The following DNASE1L2 variants were observed in gnomAD, a reference collection of about 807,000 sequenced individuals.
DNASE1L2 encodes the protein deoxyribonuclease 1 like 2.
Under a neutral mutation model 31.8 loss-of-function variants are expected in DNASE1L2, and 35 were observed. The observed-to-expected ratio is 1.10, with a 90% CI of 0.84 to 1.46. The LOEUF is 1.46. DNASE1L2 is among the 40% of genes most tolerant of loss of function. DNASE1L2 has a pLI of 0.00. For missense variants in DNASE1L2, 504 were observed against 418.8 expected (o/e 1.20, Z -1.77); for synonymous variants, 211 against 186.5 (o/e 1.13, Z -1.07).
In DNASE1L2 at chr16:2,236,540, G is replaced by C. The variant is rs1023067212; in HGVS notation, c.-60G>C. On this transcript the variant is annotated 5_prime_UTR_variant, in exon 1 of 7. Coordinates refer to ENST00000320700, the MANE Select transcript of DNASE1L2 (RefSeq NM_001374.3). ...TCCCCCTAGGATCTCTGAGCCTCGG[G>C]CCTCTGCACCCACATCCAAGGTGAG... 1.9e-5 allele frequency: 24 copies of C among 1,233,922 alleles called. No homozygotes were observed. Among genetic ancestry groups the C allele is most frequent in the Non-Finnish European group, 2.2e-5 (22 of 988,510 alleles). The allele number at this position is 1,233,922 out of a possible 1,614,324, so 76.4% of individuals were successfully genotyped here. A position where few individuals can be genotyped will look rare whatever the true frequency, so the allele number is the denominator to read the frequency against.
Position 2,237,141 on chromosome 16 carries a change from G to A in DNASE1L2, c.233+15G>A, listed in dbSNP as rs202207279. The A allele has an allele frequency of 2.6e-6, 4 of 1,547,634 alleles. No homozygotes were observed. The African/African-American group carries it at 4.1e-5, about 16-fold the overall frequency. ...CAGATCAACAGGTGTGGTGGGCAGG[G>A]CCCCTCGTCGCGACCCCCCGCCGGG... On this transcript the variant is annotated intron_variant, in intron 3 of 6. Transcript: ENST00000320700.
At position 2,238,551 on chromosome 16, in the gene DNASE1L2, C is replaced by T; in HGVS notation, c.*133C>T. The T allele has an allele frequency of 9.4e-7, 1 of 1,064,674 alleles. No homozygotes were observed. The highest frequency in any genetic ancestry group is 1.3e-5 in the South Asian group (1 of 76,218). 66.0% of individuals were successfully genotyped at this position (1,064,674 alleles called of 1,614,324 possible). On this transcript the variant is annotated 3_prime_UTR_variant, in exon 7 of 7. Coordinates refer to ENST00000320700, the MANE Select transcript of DNASE1L2 (RefSeq NM_001374.3). ...AGTCGGCTGGGCGTGGACCAGGGGCCATGGACACGTGATGTGCTGCTCTGT... is the reference window on the plus strand; with the variant it reads ...AGTCGGCTGGGCGTGGACCAGGGGCTATGGACACGTGATGTGCTGCTCTGT...
Position 2,238,389 on chromosome 16 carries a change from G to A in DNASE1L2, c.871G>A (p.Val291Met). 2 of 1,613,492 alleles carry A rather than the reference G, an allele frequency of 1.2e-6. No homozygotes were observed. The highest frequency in any genetic ancestry group is 1.1e-5 in the South Asian group (1 of 91,090). The stretch of plus-strand genomic sequence containing the variant: ...TCTTGCCATCAGCGACCACTTTCCA[G>A]TGGAGGTGACCCTCAAGTTCCACCG... ...QALAISDHFP[V>M]EVTLKFHR Residue 291 changes from valine (V) to methionine (M), a missense_variant, in exon 7 of 7, where the codon GTG becomes ATG. Physicochemically the swap from Val to Met is conservative, Grantham distance 21 (BLOSUM62 1). Transcript: ENST00000320700.
At chr16:2,238,075 G>A in intron 6 of DNASE1L2, 57 bp downstream of exon 6, 2 of 1,534,100 alleles carry the variant, frequency 1.3e-6, no homozygotes, top group Non-Finnish European at 1.8e-6. Context: ...GGCGCACGCA[G>A]GCAGCAGGGA....
In DNASE1L2 at chr16:2,237,593, G is replaced by A. The variant is rs1272170485; in HGVS notation, c.535G>A (p.Glu179Lys). ...LHAAPHQAVA[E>K]IDALYDVYLD... ...CGCGGCGCCGCATCAAGCCGTGGCG[G>A]AGATCGACGCGCTCTACGACGTGTA... Residue 179 changes from glutamate (E) to lysine (K), a missense_variant, in exon 5 of 7, where the codon GAG becomes AAG. Transcript: ENST00000320700. 1.2e-6 allele frequency: 2 copies of A among 1,611,500 alleles called. No homozygotes were observed. The highest frequency in any genetic ancestry group is 1.7e-6 in the Non-Finnish European group (2 of 1,179,360).
In DNASE1L2 at chr16:2,238,394, G is replaced by A. The variant is rs374686051; in HGVS notation, c.876G>A (p.Glu292=). 140 of 1,613,404 alleles carry A rather than the reference G, an allele frequency of 8.7e-5. No homozygotes were observed. Among genetic ancestry groups the A allele is most frequent in the Non-Finnish European group, 1.2e-4 (138 of 1,180,014 alleles). The change falls in exon 7 of 7, where the codon GAG becomes GAA. Residue 292 remains glutamate (E), a synonymous_variant. Transcript: ENST00000320700. ...CCATCAGCGACCACTTTCCAGTGGA[G>A]GTGACCCTCAAGTTCCACCGATGAC... is the stretch of plus-strand genomic sequence containing the variant. ...ALAISDHFPV[E]VTLKFHR is the part of the protein sequence containing the mutation.
rs779344371 is a variant in DNASE1L2, at chr16:2,237,566, C to T, written c.508C>T (p.His170Tyr). 6.7e-5 allele frequency: 108 copies of T among 1,609,426 alleles called. No individual in the cohort carries two copies. Among genetic ancestry groups the T allele is most frequent in the Non-Finnish European group, 8.6e-5 (101 of 1,178,630 alleles). The part of the protein sequence containing the change: ...AAQNLVLIPL[H>Y]AAPHQAVAEI... The stretch of plus-strand genomic sequence containing the variant: ...ACAGAACCTGGTGCTGATCCCGCTG[C>T]ACGCGGCGCCGCATCAAGCCGTGGC... The change falls in exon 5 of 7, where the codon CAC (histidine) becomes TAC (tyrosine). Residue 170 changes from histidine to tyrosine, a missense_variant. Transcript: ENST00000320700.
rs753517918 is a variant in DNASE1L2 at position 2,237,524 on chromosome 16, C to A, written c.466C>A (p.Pro156Thr). Residue 156 changes from proline (P) to threonine (T), a missense_variant, in exon 5 of 7, where the codon CCC becomes ACC. Transcript: ENST00000320700. ...CTCCCGCCGAGCTCTGACGCCCCCA[C>A]CCCTTCCCGCAGCAGCACAGAACCT... ...LPSRRALTPP[P>T]LPAAAQNLVL... 1 of 1,598,336 alleles carries A rather than the reference C, an allele frequency of 6.3e-7. No homozygotes were observed. The highest frequency in any genetic ancestry group is 1.3e-5 in the African/African-American group (1 of 74,632).
chr16:2,238,139 G>C (rs981382711), intron 6 of DNASE1L2, 121 bp downstream of exon 6: 48 of 1,453,210 alleles, frequency 3.3e-5, no homozygotes, highest in Non-Finnish European at 4.2e-5. Context: ...ACCAGGGCTC[G>C]TTTCCAAGGA....
At position 2,236,977 on chromosome 16, in the gene DNASE1L2, G is replaced by A; in HGVS notation, c.144+17G>A. 1 of 1,548,454 alleles carries A rather than the reference G, an allele frequency of 6.5e-7. No individual in the cohort carries two copies. Among genetic ancestry groups the A allele is most frequent in the Non-Finnish European group, 8.7e-7 (1 of 1,146,818 alleles). ...ATCGCGAAGGTGGGGCCCGGGCCGGGGCGGGGCGGCGTTTAGGGGTGCTGA... is the reference window on the plus strand; with the variant it reads ...ATCGCGAAGGTGGGGCCCGGGCCGGAGCGGGGCGGCGTTTAGGGGTGCTGA... On this transcript the variant is annotated intron_variant, in intron 2 of 6. Coordinates refer to ENST00000320700, the MANE Select transcript of DNASE1L2 (RefSeq NM_001374.3).
At position 2,237,068 on chromosome 16, in the gene DNASE1L2, C is replaced by T. The variant is rs771699327; in HGVS notation, c.175C>T (p.Gln59Ter). 4.1e-5 allele frequency: 63 copies of T among 1,549,434 alleles called. No individual in the cohort carries two copies. The Admixed American group carries it at 1.2e-3, about 30-fold the overall frequency. The change falls in exon 3 of 7, where the codon CAG (glutamine) becomes TAG (stop). Residue 59 changes from glutamine to a stop codon, truncating the protein, a stop_gained. Transcript: ENST00000320700. LOFTEE classifies it high-confidence loss of function. ...ILAGYDLALV[Q>*]EVRDPDLSAV... ...GGCTGGCTATGACCTCGCGCTGGTG[C>T]AGGAGGTGCGAGACCCAGACCTCAG... is the stretch of plus-strand genomic sequence containing the variant.
Position 2,237,052 on chromosome 16 carries a change from T to C in DNASE1L2, c.159T>C (p.Tyr53=), listed in dbSNP as rs2093513344. ...GSIIAKILAG[Y]DLALVQEVRD... ...CTCCTCCCCAGATCCTGGCTGGCTATGACCTCGCGCTGGTGCAGGAGGTGC... is the reference window on the plus strand; with the variant it reads ...CTCCTCCCCAGATCCTGGCTGGCTACGACCTCGCGCTGGTGCAGGAGGTGC... Residue 53 remains tyrosine, a synonymous_variant, in exon 3 of 7, where the codon TAT becomes TAC. Coordinates refer to ENST00000320700, the MANE Select transcript of DNASE1L2 (RefSeq NM_001374.3). 3.2e-6 allele frequency: 5 copies of C among 1,549,446 alleles called. No individual in the cohort carries two copies. Among genetic ancestry groups the C allele is most frequent in the Non-Finnish European group, 4.4e-6 (5 of 1,146,934 alleles).
In DNASE1L2 at chr16:2,237,924, T is replaced by C. The variant is rs761783817; in HGVS notation, c.749T>C (p.Ile250Thr). 9.9e-6 allele frequency: 16 copies of C among 1,610,732 alleles called. No homozygotes were observed. The highest frequency in any genetic ancestry group is 8.9e-5 in the East Asian group (4 of 44,744). Residue 250 changes from isoleucine (I) to threonine (T), a missense_variant, in exon 6 of 7, where the codon ATT (isoleucine) becomes ACT (threonine). Coordinates refer to ENST00000320700, the MANE Select transcript of DNASE1L2 (RefSeq NM_001374.3). ...VGNSDCAYDR[I>T]VACGARLRRS... ...AACTCAGACTGCGCCTACGACCGCATTGTGGCCTGTGGCGCCCGCCTGCGC... is the reference window on the plus strand; with the variant it reads ...AACTCAGACTGCGCCTACGACCGCACTGTGGCCTGTGGCGCCCGCCTGCGC...
Position 2,237,294 on chromosome 16 carries a change from G to C in DNASE1L2, c.310G>C (p.Val104Leu), listed in dbSNP as rs111804441. Reference sequence around the variant, plus strand: ...CCAGTACAAGGAGATGTACCTGTTCGTGTACAGGTGAGGGGCGGGCCGCAG... The same window carrying C: ...CCAGTACAAGGAGATGTACCTGTTCCTGTACAGGTGAGGGGCGGGCCGCAG... ...RDQYKEMYLFVYRKDAVSVVD... is the reference protein window; with the variant it reads ...RDQYKEMYLFLYRKDAVSVVD... The change falls in exon 4 of 7, where the codon GTG (valine) becomes CTG (leucine). Residue 104 changes from valine to leucine, a missense_variant. By Grantham distance (32) the Val-to-Leu change is conservative (BLOSUM62 1). Coordinates refer to ENST00000320700, the MANE Select transcript of DNASE1L2 (RefSeq NM_001374.3). 6.3e-7 allele frequency: 1 copy of C among 1,588,074 alleles called. No homozygotes were observed. The highest frequency in any genetic ancestry group is 8.6e-7 in the Non-Finnish European group (1 of 1,168,414).
intron 5 of DNASE1L2, 38 bp from the exon 6 acceptor site, chr16:2,237,729 C>A: frequency 6.3e-7 from 1 of 1,595,370 alleles, no homozygotes; most frequent in Non-Finnish European, 8.6e-7. Context: ...CTCGACGGCT[C>A]CTGCGGCGGC....
At chr16:2,237,337 C>A in intron 4 of DNASE1L2, 36 bp downstream of exon 4, 1 of 1,594,746 alleles carries the variant, frequency 6.3e-7, no homozygotes, top group South Asian at 1.1e-5. Flanking sequence ...CGCGCGGGGC[C>A]GCAGGTCGGG....
intron 6 of DNASE1L2, 129 bp from the exon 7 acceptor site, chr16:2,238,233 C>T: frequency 1.4e-6 from 2 of 1,456,604 alleles, no homozygotes; most frequent in Non-Finnish European, 1.9e-6. Flanking sequence ...GTGGTGACAC[C>T]CTCTGCCCCG....
At chr16:2,237,738 G>GCTCAGACACGGCTCCGCGGCGC in intron 5 of DNASE1L2, 29 bp from the exon 6 acceptor site, 1 of 1,596,766 alleles carries the variant, frequency 6.3e-7, no homozygotes, top group Non-Finnish European at 8.5e-7. Context: ...TCCTGCGGCG[G>GCTCAGACACGGCTCCGCGGCGC]CTCAGACACG....
Position 2,236,458 on chromosome 16 carries a change from A to C in DNASE1L2, c.-142A>C. 1 of 1,082,358 alleles carries C rather than the reference A, an allele frequency of 9.2e-7. No individual in the cohort carries two copies. The allele number at this position is 1,082,358 out of a possible 1,614,324, so 67.0% of individuals were successfully genotyped here. A position where few individuals can be genotyped will look rare whatever the true frequency, so the allele number is the denominator to read the frequency against. On this transcript the variant is annotated 5_prime_UTR_variant, in exon 1 of 7. Transcript: ENST00000320700. ...GCCTTGGTGCCAGAGCTACTGCCAG[A>C]GGGAGTCAGTGCAGTCCTGTGTCGG...
Sources: gnomAD v4.1 joint callset for allele counts on GRCh38, gnomAD v4.1.1 for gene constraint, MANE v1.5 for transcripts, NCBI Gene and HGNC (gene_info 2026-07-23, HGNC 2026-07-21) for gene names.